The following SNUPN variants were observed in gnomAD, a reference collection of about 807,000 sequenced individuals.
SNUPN encodes snurportin-1.
In SNUPN, 31 loss-of-function variants were observed where a neutral mutation model predicts 39.2. The observed-to-expected ratio is 0.79, with a 90% CI of 0.59 to 1.07. The LOEUF is 1.07. SNUPN is among the 50% of genes least tolerant of loss of function. The probability of loss-of-function intolerance (pLI) is 0.00; values close to 1 mark genes in which losing one functional copy is unlikely to be tolerated. For synonymous variants in SNUPN, 132 were observed against 159.0 expected (o/e 0.83, Z 1.28); for missense variants, 382 against 434.2 (o/e 0.88, Z 1.07).
At chr15:75,606,050 CAGG>C (rs1444442148) in intron 6 of SNUPN, among the ~76,000 whole-genome samples, 3 of 152,142 alleles carry the variant, frequency 2.0e-5, no homozygotes, top group African/African-American at 7.2e-5. Flanking sequence ...AAGGCGGAGG[CAGG>C]AGAAGTGCTT....
At chr15:75,603,248 T>G (rs569146018) in intron 7 of SNUPN, among the ~76,000 whole-genome samples, 61 of 147,986 alleles carry the variant, frequency 4.1e-4, no homozygotes, top group Admixed American at 6.7e-4. Context: ...GGGGTTTCAC[T>G]GTGTTAGCCA....
In SNUPN at chr15:75,601,126, T is replaced by C. The variant is rs769395380; in HGVS notation, c.759+12A>G. ...CATCATGTCAAGGCAATAAAGACAA[T>C]GGTTTCGTTACCTCAAAAGGGAAAT... On this transcript the variant is annotated intron_variant, in intron 8 of 8. Coordinates refer to ENST00000308588, the MANE Select transcript of SNUPN (RefSeq NM_005701.4). 11 of 1,596,790 alleles carry C rather than the reference T, an allele frequency of 6.9e-6. No individual in the cohort carries two copies. The highest frequency in any genetic ancestry group is 1.7e-5 in the Admixed American group (1 of 59,952).
intron 7 of SNUPN, 60 bp from the exon 8 acceptor site, chr15:75,601,278 T>C: frequency 1.6e-6 from 2 of 1,216,296 alleles, no homozygotes; most frequent in Middle Eastern, 1.9e-4. Flanking sequence ...CCCAAGCAAT[T>C]GAAAATCTCT....
At chr15:75,607,107 T>A in intron 6 of SNUPN, 109 bp downstream of exon 6, 1 of 778,836 alleles carries the variant, frequency 1.3e-6, no homozygotes, top group Non-Finnish European at 2.4e-6. Context: ...ATATACCACA[T>A]CCTGTGCACA....
chr15:75,598,589 A>G lies in SNUPN; in HGVS notation c.852T>C (p.Asp284=). Residue 284 remains aspartate, a synonymous_variant, in exon 9 of 9, where the codon GAT becomes GAC. Coordinates refer to ENST00000308588, the MANE Select transcript of SNUPN (RefSeq NM_005701.4). ...VGWLRPYMVS[D]VLGVAVPAGP... is the part of the protein sequence containing the mutation. ...CAGCCGGCACAGCTACACCAAGGACATCTGACACCATGTAGGGGCGCAGCC... is the reference window on the plus strand; with the variant it reads ...CAGCCGGCACAGCTACACCAAGGACGTCTGACACCATGTAGGGGCGCAGCC... 2 of 1,614,222 alleles carry G rather than the reference A, an allele frequency of 1.2e-6. No individual in the cohort carries two copies. The highest frequency in any genetic ancestry group is 1.6e-4 in the Middle Eastern group (1 of 6,062).
chr15:75,598,223 T>A lies in SNUPN; in HGVS notation c.*135A>T, dbSNP rs756889789. 1 of 664,212 alleles carries A rather than the reference T, an allele frequency of 1.5e-6. No individual in the cohort carries two copies. Among genetic ancestry groups the A allele is most frequent in the Non-Finnish European group, 2.5e-6 (1 of 394,912 alleles). The allele number at this position is 664,212 out of a possible 1,614,324, so 41.1% of individuals were successfully genotyped here. ...TTGAGCCAGCATTTCAGATTATAGA[T>A]AAGCTGTTTCCAGCTGGACTGGGTT... On this transcript the variant is annotated 3_prime_UTR_variant, in exon 9 of 9. Transcript: ENST00000308588.
chr15:75,598,191 T>C lies in SNUPN; in HGVS notation c.*167A>G. Reference sequence around the variant, plus strand: ...GCTACGCAATCTGGGAACCTCCCCATAACTGTTTGAGCCAGCATTTCAGAT... The same window carrying C: ...GCTACGCAATCTGGGAACCTCCCCACAACTGTTTGAGCCAGCATTTCAGAT... On this transcript the variant is annotated 3_prime_UTR_variant, in exon 9 of 9. Coordinates refer to ENST00000308588, the MANE Select transcript of SNUPN (RefSeq NM_005701.4). 1.7e-6 allele frequency: 1 copy of C among 604,200 alleles called. No individual in the cohort carries two copies. Among genetic ancestry groups the C allele is most frequent in the South Asian group, 2.2e-5 (1 of 46,428 alleles). 37.4% of individuals were successfully genotyped at this position (604,200 alleles called of 1,614,324 possible).
chr15:75,618,997 G>A (rs912598026), intron 2 of SNUPN, among the ~76,000 whole-genome samples: 4 of 113,978 alleles, frequency 3.5e-5, no homozygotes, highest in Admixed American at 2.4e-4. Context: ...GTGCAGAACA[G>A]TATATAGTAT....
intron 3 of SNUPN, among the ~76,000 whole-genome samples, chr15:75,613,642 C>CAAAAAAAAAAA (rs58623437): frequency 4.7e-5 from 6 of 128,442 alleles, no homozygotes; most frequent in East Asian, 2.2e-4. Flanking sequence ...GACTCCAACT[C>CAAAAAAAAAAA]AAAAAAAAAA....
rs547770526 is a variant in SNUPN, at chr15:75,609,803, G to A, written c.408+87C>T. On this transcript the variant is annotated intron_variant, in intron 4 of 8. Coordinates refer to ENST00000308588, the MANE Select transcript of SNUPN (RefSeq NM_005701.4). ...TTCAAGCTCCACTCCAGGCACAGCT[G>A]TTGTGGCGTATGAGGAAAATGGAGC... The A allele has an allele frequency of 1.5e-4, 179 of 1,226,200 alleles. 1 individual carries two copies. In the African/African-American group the frequency reaches 2.1e-3, roughly 14 times the overall value. The allele number at this position is 1,226,200 out of a possible 1,614,324, so 76.0% of individuals were successfully genotyped here. A position where few individuals can be genotyped will look rare whatever the true frequency, so the allele number is the denominator to read the frequency against.
chr15:75,617,608 A>G (rs1892970762), intron 2 of SNUPN, 56 bp from the exon 3 acceptor site: 13 of 1,503,350 alleles, frequency 8.6e-6, no homozygotes, highest in Middle Eastern at 1.8e-4. Context: ...TTTTTTTTAG[A>G]CAGGGTCTCG....
intron 2 of SNUPN, 53 bp from the exon 3 acceptor site, chr15:75,617,605 T>A (rs997828822): frequency 4.7e-6 from 7 of 1,493,460 alleles, no homozygotes; most frequent in Admixed American, 4.2e-5. Context: ...TTTTTTTTTT[T>A]AGACAGGGTC....
chr15:75,615,660 GGT>G (rs1243460064), intron 3 of SNUPN, among the ~76,000 whole-genome samples: 1 of 135,452 alleles, frequency 7.4e-6, no homozygotes, highest in Non-Finnish European at 1.5e-5. Context: ...GGAGTGCAGT[GGT>G]GTGATCTCGG....
chr15:75,610,110 G>T lies in SNUPN; in HGVS notation c.304-116C>A. 6.2e-6 allele frequency: 5 copies of T among 807,894 alleles called. No homozygotes were observed. The Middle Eastern group carries it at 1.1e-3, about 181-fold the overall frequency. The allele number at this position is 807,894 out of a possible 1,614,324, so 50.0% of individuals were successfully genotyped here. ...TAAAAACCTGAGTGAAAGAATGAGGGCAGAGAGCCGGGCACGGGGGCTCAT... is the reference window on the plus strand; with the variant it reads ...TAAAAACCTGAGTGAAAGAATGAGGTCAGAGAGCCGGGCACGGGGGCTCAT... On this transcript the variant is annotated intron_variant, in intron 3 of 8. Transcript: ENST00000308588.
chr15:75,603,322 C>T (rs923405399), intron 7 of SNUPN, among the ~76,000 whole-genome samples: 1 of 146,376 alleles, frequency 6.8e-6, no homozygotes, highest in South Asian at 2.3e-4. Flanking sequence ...GCTGGGATTA[C>T]AGGCGTGAGC....
At chr15:75,610,456 C>T (rs1892751041) in intron 3 of SNUPN, among the ~76,000 whole-genome samples, 1 of 151,876 alleles carries the variant, frequency 6.6e-6, no homozygotes, top group South Asian at 2.1e-4. Flanking sequence ...GCACCTCCAC[C>T]CCATGTGCTC....
chr15:75,612,637 C>A (rs760171567), intron 3 of SNUPN, among the ~76,000 whole-genome samples: 83 of 151,960 alleles, frequency 5.5e-4, no homozygotes, highest in Non-Finnish European at 1.3e-4. Flanking sequence ...ATCTATATTG[C>A]GAGATGTCTG....
At chr15:75,622,082 G>A (rs560715312) in intron 1 of SNUPN, among the ~76,000 whole-genome samples, 7 of 151,970 alleles carry the variant, frequency 4.6e-5, no homozygotes, top group Non-Finnish European at 7.4e-5. Flanking sequence ...CTAGCGACCT[G>A]GGATTACAGG....
chr15:75,625,284 C>G (rs1265125735), intron 1 of SNUPN: 1 of 147,998 alleles, frequency 6.8e-6, no homozygotes, highest in Non-Finnish European at 1.5e-5. Context: ...ATCCGGCGCC[C>G]CCGCCTCGCG....
Sources: gnomAD v4.1 joint callset for allele counts (sites outside exome capture counted in the v4.1 genomes callset) on GRCh38, gnomAD v4.1.1 for gene constraint, MANE v1.5 for transcripts, NCBI Gene and HGNC (gene_info 2026-07-23, HGNC 2026-07-21) for gene names.